Variants in CUL4B observed in about 807,000 individuals in gnomAD.
CUL4B encodes cullin-4B.
CUL4B carries 1 observed loss-of-function variant against 69.2 expected under a neutral mutation model. That is an observed-to-expected ratio of 0.01 (90% confidence interval 0.01 to 0.07). The LOEUF is 0.07. CUL4B is among the 10% of genes least tolerant of loss of function. The pLI is 1.00. For synonymous variants in CUL4B, 237 were observed against 223.2 expected (o/e 1.06, Z -0.55); for missense variants, 328 against 638.8 (o/e 0.51, Z 5.24).
In CUL4B at chrX:120,541,660, A is replaced by G; in HGVS notation, c.1385T>C (p.Phe462Ser). 2 of 1,209,031 alleles carry G rather than the reference A, an allele frequency of 1.7e-6. No individual in the cohort carries two copies. The highest frequency in any genetic ancestry group is 2.2e-6 in the Non-Finnish European group (2 of 892,999). Residue 462 changes from phenylalanine (F) to serine (S), a missense_variant, in exon 10 of 20, where the codon TTC (phenylalanine) becomes TCC (serine). Transcript: ENST00000371322. ...IQDLSLLYQL[F>S]SRVRGGVQVL... The stretch of plus-strand genomic sequence containing the variant: ...CTGAACTCCACCTCGAACTCTACTG[A>G]AGAGCTGATACAGAAGAGACAAATC...
At chrX:120,572,830 C>T (rs779643118) in intron 2 of CUL4B, among the ~76,000 whole-genome samples, 1 of 111,460 alleles carries the variant, frequency 9.0e-6, no homozygotes, top group South Asian at 3.7e-4. Context: ...ATCTAATTAT[C>T]ACACGTTATT....
At chrX:120,548,124 A>C (rs978709239) in intron 2 of CUL4B, among the ~76,000 whole-genome samples, 2 of 111,295 alleles carry the variant, frequency 1.8e-5, no homozygotes, top group Non-Finnish European at 3.8e-5. Flanking sequence ...AAATTTAAAA[A>C]TTAGCTGGGC....
At chrX:120,533,500 A>G (rs1173992206) in intron 17 of CUL4B, among the ~76,000 whole-genome samples, 1 of 111,797 alleles carries the variant, frequency 8.9e-6, no homozygotes, top group Non-Finnish European at 1.9e-5. Flanking sequence ...TCTATGCTAC[A>G]ATTAAGCTCT....
chrX:120,570,979 C>T (rs368184327), downstream of CUL4B, among the ~76,000 whole-genome samples: 36 of 104,803 alleles, frequency 3.4e-4, no homozygotes, highest in African/African-American at 1.3e-3. Context: ...ATCGCTTGAG[C>T]CCAGGAGTTC....
chrX:120,529,447 C>T (rs1459700461), intron 19 of CUL4B, among the ~76,000 whole-genome samples: 3 of 111,303 alleles, frequency 2.7e-5, no homozygotes, highest in Admixed American at 9.6e-5. Flanking sequence ...TCATAAGAAC[C>T]CTAATAGCTA....
At chrX:120,550,886 G>A (rs961108976) in intron 2 of CUL4B, among the ~76,000 whole-genome samples, 1 of 111,510 alleles carries the variant, frequency 9.0e-6, no homozygotes, top group African/African-American at 3.3e-5. Flanking sequence ...TATCATTTAT[G>A]TAAAAAAGGA....
chrX:120,547,427 T>C (rs1924404507), intron 2 of CUL4B, among the ~76,000 whole-genome samples, 188 bp from the exon 3 acceptor site: 1 of 112,259 alleles, frequency 8.9e-6, no homozygotes, highest in Non-Finnish European at 1.9e-5. Context: ...ACCAATGCAC[T>C]GTATCAAAAA....
chrX:120,559,822 G>C lies in CUL4B; in HGVS notation c.556+261C>G, dbSNP rs1262470312. The C allele has an allele frequency of 3.6e-6, 4 of 1,112,298 alleles. 1 individual carries two copies. Among genetic ancestry groups the C allele is most frequent in the Middle Eastern group, 4.9e-4 (2 of 4,084 alleles). 91.7% of individuals were successfully genotyped at this position (1,112,298 alleles called of 1,213,427 possible). On this transcript the variant is annotated intron_variant, in intron 1 of 19. Coordinates refer to ENST00000371322, the MANE Select transcript of CUL4B (RefSeq NM_001079872.2). ...TCATACCGATTGTCAGTGTTATAAGGAATAACAGATTAAATACAATAGGTT... is the reference window on the plus strand; with the variant it reads ...TCATACCGATTGTCAGTGTTATAAGCAATAACAGATTAAATACAATAGGTT...
downstream of CUL4B, among the ~76,000 whole-genome samples, chrX:120,566,698 A>T (rs754478964): frequency 1.8e-5 from 2 of 110,038 alleles, no homozygotes; most frequent in East Asian, 5.7e-4. Context: ...CACCCAGCCA[A>T]ATTTCATATT....
chrX:120,532,431 C>T lies in CUL4B; in HGVS notation c.2430G>A (p.Met810Ile). The T allele has an allele frequency of 8.3e-7, 1 of 1,198,322 alleles. No individual in the cohort carries two copies. Among genetic ancestry groups the T allele is most frequent in the Non-Finnish European group, 1.1e-6 (1 of 884,040 alleles). Residue 810 changes from methionine to isoleucine, a missense_variant, in exon 18 of 20, where the codon ATG becomes ATA. By Grantham distance (10) the Met-to-Ile change is conservative. Coordinates refer to ENST00000371322, the MANE Select transcript of CUL4B (RefSeq NM_001079872.2). ...AAAGTGAAAGAAATACCGTTTCTTTCATCTGGATTTGATTGATCTTTATCC... is the reference window on the plus strand; with the variant it reads ...AAAGTGAAAGAAATACCGTTTCTTTTATCTGGATTTGATTGATCTTTATCC... ...LFRIKINQIQ[M>I]KETVEEQAST...
intron 2 of CUL4B, among the ~76,000 whole-genome samples, chrX:120,555,941 C>CAAA (rs752944156): frequency 2.4e-5 from 1 of 41,946 alleles, no homozygotes; most frequent in African/African-American, 8.0e-5. Flanking sequence ...GACTCCATCT[C>CAAA]AAAAAAAAAA....
At chrX:120,561,764 T>C (rs1483127999), upstream of CUL4B, among the ~76,000 whole-genome samples, 1 of 110,442 alleles carries the variant, frequency 9.1e-6, no homozygotes, top group Non-Finnish European at 1.9e-5. Flanking sequence ...GGAGTAACCC[T>C]AAATAGAGGA....
chrX:120,565,376 C>A (rs1925462903), upstream of CUL4B, among the ~76,000 whole-genome samples: 1 of 109,056 alleles, frequency 9.2e-6, no homozygotes, highest in Non-Finnish European at 1.9e-5. Context: ...AAAGCAAAAA[C>A]CAAAACAAAA....
At chrX:120,533,356 T>C (rs768626839) in intron 17 of CUL4B, among the ~76,000 whole-genome samples, 34 of 112,209 alleles carry the variant, frequency 3.0e-4, no homozygotes, top group African/African-American at 1.0e-3. Flanking sequence ...CCATGCCACA[T>C]AGTTGAGACA....
chrX:120,529,994 C>G, intron 19 of CUL4B, 108 bp downstream of exon 19: 3 of 823,618 alleles, frequency 3.6e-6, no homozygotes, highest in Non-Finnish European at 5.2e-6. Context: ...AAACTTTTCT[C>G]TCTCTAAATG....
intron 2 of CUL4B, among the ~76,000 whole-genome samples, chrX:120,555,726 G>A (rs1300953190): frequency 9.1e-6 from 1 of 109,628 alleles, no homozygotes; most frequent in Admixed American, 9.8e-5. Context: ...TGGATCACTT[G>A]AGGTCAGGAG....
At chrX:120,574,555 G>A (rs769112172) in exon 2 of CUL4B, 1 of 1,198,323 alleles carries the variant, frequency 8.3e-7, no homozygotes, top group East Asian at 3.0e-5. Flanking sequence ...ACTCACCACC[G>A]TCTTTAGAGG....
In CUL4B at chrX:120,560,100, A is replaced by G; in HGVS notation, c.539T>C (p.Val180Ala). 8.3e-7 allele frequency: 1 copy of G among 1,211,888 alleles called. No individual in the cohort carries two copies. The highest frequency in any genetic ancestry group is 1.1e-6 in the Non-Finnish European group (1 of 895,319). ...TTGGTTACCTTTAAAGTTCTTGATC[A>G]CTAACTTCTTAGCAGAGCCAGGTTT... ...NSKPGSAKKL[V>A]IKNFKDKPKL... Residue 180 changes from valine (V) to alanine (A), a missense_variant, in exon 1 of 20, where the codon GTG becomes GCG. Physicochemically the swap from Val to Ala is moderately conservative, Grantham distance 64. This residue lies in a region of CUL4B where 2 missense variants were observed against 17.4 expected (regional missense o/e 0.12). Coordinates refer to ENST00000371322, the MANE Select transcript of CUL4B (RefSeq NM_001079872.2).
At chrX:120,535,512 G>C (rs1323570999) in intron 16 of CUL4B, among the ~76,000 whole-genome samples, 1 of 109,218 alleles carries the variant, frequency 9.2e-6, no homozygotes, top group East Asian at 2.9e-4. Flanking sequence ...AGACCATCCT[G>C]GCCAACATGG....
Sources: allele counts gnomAD v4.1 joint callset (sites outside exome capture counted in the v4.1 genomes callset), GRCh38; gene constraint gnomAD v4.1.1; regional missense constraint gnomAD v4.1.1; transcripts MANE v1.5; gene names NCBI Gene and HGNC (gene_info 2026-07-23, HGNC 2026-07-21).